Variants in NECTIN3 observed in about 807,000 individuals in gnomAD.
NECTIN3 encodes nectin cell adhesion molecule 3, also known as nectin-3.
NECTIN3 carries 8 observed loss-of-function variants against 49.4 expected under a neutral mutation model. The ratio of observed to expected loss-of-function variants is 0.16; its 90% CI spans 0.10 to 0.29. The LOEUF (loss-of-function observed/expected upper bound fraction) is 0.29, where lower values mean the gene tolerates loss of function less well. Ranked by LOEUF, NECTIN3 falls within the 10% of genes least tolerant of loss-of-function variation. The pLI, the probability that NECTIN3 is intolerant of heterozygous loss-of-function variation, is 1.00. For synonymous variants in NECTIN3, 277 were observed against 241.1 expected (o/e 1.15, Z -1.38); for missense variants, 581 against 654.6 (o/e 0.89, Z 1.23).
At position 111,077,148 on chromosome 3, in the gene NECTIN3, ATATATT is replaced by A. The variant is rs1444894260; in HGVS notation, c.160+4979_160+4984del. 4 of 424,372 alleles carry A rather than the reference ATATATT, an allele frequency of 9.4e-6. No individual in the cohort carries two copies. The East Asian group carries it at 2.1e-4, about 23-fold the overall frequency. The allele number at this position is 424,372 out of a possible 1,614,324, so 26.3% of individuals were successfully genotyped here. A position where few individuals can be genotyped will look rare whatever the true frequency, so the allele number is the denominator to read the frequency against. On this transcript the variant is annotated intron_variant, in intron 1 of 5. Transcript: ENST00000485303. Reference sequence around the variant, plus strand: ...TTATAGTTATTTTAGAAAGGATATTATATATTTATATTTTGAATTTTACTTGTTTTC... The same window carrying A: ...TTATAGTTATTTTAGAAAGGATATTATATATTTTGAATTTTACTTGTTTTC...
intron 7 of NECTIN3, among the ~76,000 whole-genome samples, chr3:111,181,384 T>C (rs2035624470): frequency 6.6e-6 from 1 of 152,220 alleles, no homozygotes; most frequent in African/African-American, 2.4e-5. Context: ...CATTTTGGTT[T>C]AAAGTTTTGG....
chr3:111,151,840 G>A (rs1459095536), intron 7 of NECTIN3, among the ~76,000 whole-genome samples: 3 of 151,636 alleles, frequency 2.0e-5, no homozygotes, highest in African/African-American at 7.3e-5. Context: ...ACAATATAAA[G>A]AGGTGTTTTC....
At chr3:111,131,736 G>T (rs1234005129) in intron 5 of NECTIN3, among the ~76,000 whole-genome samples, 2 of 151,654 alleles carry the variant, frequency 1.3e-5, no homozygotes, top group Non-Finnish European at 3.0e-5. Context: ...TAAATGTCAG[G>T]GTTTCATTAT....
intron 1 of NECTIN3, among the ~76,000 whole-genome samples, chr3:111,092,262 C>T (rs2032314219): frequency 6.6e-6 from 1 of 152,086 alleles, no homozygotes. Flanking sequence ...TTTTCTTTCA[C>T]CCTATTGATG....
Position 111,118,946 on chromosome 3 carries a change from A to G in NECTIN3, c.793A>G (p.Ile265Val), listed in dbSNP as rs750914247. The change falls in exon 3 of 6, where the codon ATA becomes GTA. Residue 265 changes from isoleucine to valine, a missense_variant. Physicochemically the swap from Ile to Val is conservative, Grantham distance 29 (BLOSUM62 3). This residue lies in a region of NECTIN3 where 234 missense variants were observed against 340.6 expected (regional missense o/e 0.69). Coordinates refer to ENST00000485303, the MANE Select transcript of NECTIN3 (RefSeq NM_015480.3). ...CATCCGATACTCTTTCATATTAGAC[A>G]TACAGTGTAAGTAAATGGTAACATT... Reference protein sequence around the residue: ...KDIRYSFILDIQYAPEVSVTG... With the variant: ...KDIRYSFILDVQYAPEVSVTG... 3.7e-6 allele frequency: 6 copies of G among 1,607,862 alleles called. No homozygotes were observed. The highest frequency in any genetic ancestry group is 5.1e-6 in the Non-Finnish European group (6 of 1,175,776).
chr3:111,190,750 T>C (rs1448423186), upstream of NECTIN3, among the ~76,000 whole-genome samples: 1 of 152,222 alleles, frequency 6.6e-6, no homozygotes, highest in African/African-American at 2.4e-5. Context: ...TTTCAACATA[T>C]GAATTTTGGG....
Position 111,134,904 on chromosome 3 carries a change from T to C in NECTIN3, c.*689T>C. ...TGATGTGTGGAAGAGCATAATTAGC[T>C]GGTCAATATTTTTGTCCAAAATACC... On this transcript the variant is annotated 3_prime_UTR_variant, in exon 6 of 6. Transcript: ENST00000485303. 1.0e-6 allele frequency: 1 copy of C among 983,934 alleles called. No individual in the cohort carries two copies. The highest frequency in any genetic ancestry group is 1.2e-6 in the Non-Finnish European group (1 of 828,696). The allele number at this position is 983,934 out of a possible 1,614,324, so 61.0% of individuals were successfully genotyped here. A position where few individuals can be genotyped will look rare whatever the true frequency, so the allele number is the denominator to read the frequency against.
At chr3:111,193,403 T>G (rs1317637528) in intron 1 of NECTIN3, 6 of 1,523,386 alleles carry the variant, frequency 3.9e-6, no homozygotes, top group Non-Finnish European at 5.3e-6. Flanking sequence ...CCAATGGGCG[T>G]TCTAACAAAT....
chr3:111,101,942 T>C (rs2032928052), intron 1 of NECTIN3, among the ~76,000 whole-genome samples: 2 of 152,154 alleles, frequency 1.3e-5, no homozygotes, highest in South Asian at 4.1e-4. Context: ...CATGGAATGG[T>C]CTTCTCAGCT....
chr3:111,136,734 G>A lies in NECTIN3; in HGVS notation c.*2519G>A. 3 of 918,578 alleles carry A rather than the reference G, an allele frequency of 3.3e-6. No individual in the cohort carries two copies. Among genetic ancestry groups the A allele is most frequent in the African/African-American group, 1.8e-5 (1 of 55,590 alleles). 56.9% of individuals were successfully genotyped at this position (918,578 alleles called of 1,614,324 possible). On this transcript the variant is annotated 3_prime_UTR_variant, in exon 6 of 6. Coordinates refer to ENST00000485303, the MANE Select transcript of NECTIN3 (RefSeq NM_015480.3). ...TATTTATATTTATTTCTTTCATATG[G>A]TTTGAACTGTTTTAGCATTTTGTAA... is the stretch of plus-strand genomic sequence containing the variant.
At chr3:111,113,597 T>A (rs1014111387) in intron 2 of NECTIN3, among the ~76,000 whole-genome samples, 1 of 152,220 alleles carries the variant, frequency 6.6e-6, no homozygotes, top group African/African-American at 2.4e-5. Flanking sequence ...TGGGGAAATA[T>A]AACTTACATT....
chr3:111,093,426 GTT>G (rs35209735), intron 1 of NECTIN3, among the ~76,000 whole-genome samples: 2 of 140,226 alleles, frequency 1.4e-5, no homozygotes, highest in African/African-American at 2.6e-5. Flanking sequence ...ATTTTGTTGG[GTT>G]TTTTTTTTTT....
upstream of NECTIN3, among the ~76,000 whole-genome samples, chr3:111,190,427 T>A (rs2035794870): frequency 6.6e-6 from 1 of 152,230 alleles, no homozygotes; most frequent in Non-Finnish European, 1.5e-5. Context: ...GGAGGATGAC[T>A]ATGTTAGTCT....
chr3:111,090,357 A>G (rs2032190285), intron 1 of NECTIN3, among the ~76,000 whole-genome samples: 1 of 151,720 alleles, frequency 6.6e-6, no homozygotes, highest in Admixed American at 6.6e-5. Context: ...CCATTTTCCT[A>G]TTGTTAGATT....
At chr3:111,183,631 T>G (rs1156398316) in intron 7 of NECTIN3, among the ~76,000 whole-genome samples, 2 of 152,086 alleles carry the variant, frequency 1.3e-5, no homozygotes, top group Non-Finnish European at 2.9e-5. Context: ...GAATATTTTA[T>G]GGGATATAGA....
chr3:111,119,925 A>G (rs1431900116), intron 3 of NECTIN3, among the ~76,000 whole-genome samples: 1 of 152,188 alleles, frequency 6.6e-6, no homozygotes, highest in East Asian at 1.9e-4. Flanking sequence ...TAAATTACAC[A>G]TATTCATTAC....
rs767691342 is a variant in NECTIN3, at chr3:111,133,971, G to A, written c.1406G>A (p.Ser469Asn). 1.2e-6 allele frequency: 2 copies of A among 1,613,166 alleles called. No homozygotes were observed. Among genetic ancestry groups the A allele is most frequent in the Non-Finnish European group, 1.7e-6 (2 of 1,179,686 alleles). ...QQDELDSYPD[S>N]VKKENKNPVN... ...GATGAGCTTGATTCTTACCCAGACA[G>A]TGTAAAAAAAGAAAACAAAAATCCA... The change falls in exon 6 of 6, where the codon AGT becomes AAT. Residue 469 changes from serine (S) to asparagine (N), a missense_variant. Ser to Asn is a conservative substitution (Grantham distance 46). Around this residue, in one of 3 missense-constraint regions of NECTIN3, gnomAD observed 238 missense variants for 244.9 expected, o/e 0.97. Transcript: ENST00000485303.
Position 111,112,155 on chromosome 3 carries a change from G to A in NECTIN3, c.286G>A (p.Gly96Ser). The A allele has an allele frequency of 6.2e-7, 1 of 1,613,820 alleles. No homozygotes were observed. The highest frequency in any genetic ancestry group is 8.5e-7 in the Non-Finnish European group (1 of 1,179,894). Residue 96 changes from glycine to serine, a missense_variant, in exon 2 of 6, where the codon GGC becomes AGC. By Grantham distance (56) the Gly-to-Ser change is moderately conservative (BLOSUM62 0). Coordinates refer to ENST00000485303, the MANE Select transcript of NECTIN3 (RefSeq NM_015480.3). ...ITQISWEKIH[G>S]KSSQTVAVHH... ...ACAGATTTCATGGGAGAAGATACAT[G>A]GCAAAAGTTCACAGACTGTTGCAGT...
chr3:111,130,594 T>C (rs572615858), intron 5 of NECTIN3, among the ~76,000 whole-genome samples: 27 of 152,250 alleles, frequency 1.8e-4, no homozygotes, highest in Admixed American at 1.8e-3. Flanking sequence ...GTAAAATAAA[T>C]GCATCTTAGG....
Sources: allele counts gnomAD v4.1 joint callset (sites outside exome capture counted in the v4.1 genomes callset), GRCh38; gene constraint gnomAD v4.1.1; regional missense constraint gnomAD v4.1.1; transcripts MANE v1.5; gene names NCBI Gene and HGNC (gene_info 2026-07-23, HGNC 2026-07-21).